The following CNTN4 variants were observed in gnomAD, a reference collection of about 807,000 sequenced individuals.
The protein encoded by CNTN4 is contactin-4.
Under a neutral mutation model 122.5 loss-of-function variants are expected in CNTN4, and 77 were observed. The observed-to-expected ratio is 0.63, with a 90% CI of 0.52 to 0.76. The LOEUF (loss-of-function observed/expected upper bound fraction) is 0.76, where lower values mean the gene tolerates loss of function less well. Ranked by LOEUF, CNTN4 falls within the 30% of genes least tolerant of loss-of-function variation. The pLI is 0.00. For synonymous variants in CNTN4, 512 were observed against 447.0 expected, an observed-to-expected ratio of 1.15 and a Z score of -1.83; for missense variants, 1,256 against 1,259.1, an observed-to-expected ratio of 1.00 and a Z score of 0.04.
At chr3:2,321,249 T>C (rs1327316314) in intron 2 of CNTN4, among the ~76,000 whole-genome samples, 2 of 152,168 alleles carry the variant, frequency 1.3e-5, no homozygotes, top group Non-Finnish European at 1.5e-5. Context: ...CTAGATAGTA[T>C]AGTGGTAAAA....
chr3:2,123,528 C>T (rs1348024040), intron 2 of CNTN4, among the ~76,000 whole-genome samples: 1 of 151,600 alleles, frequency 6.6e-6, no homozygotes, highest in Non-Finnish European at 1.5e-5. Flanking sequence ...GAGGGATGCT[C>T]AGATGCTCAG....
At chr3:2,283,075 A>G (rs2041777919) in intron 2 of CNTN4, among the ~76,000 whole-genome samples, 2 of 152,234 alleles carry the variant, frequency 1.3e-5, no homozygotes, top group African/African-American at 4.8e-5. Context: ...TGGCTACACA[A>G]TTTTGTGAAA....
At chr3:3,051,683 C>A (rs189819964) in intron 23 of CNTN4, among the ~76,000 whole-genome samples, 92 of 152,264 alleles carry the variant, frequency 6.0e-4, no homozygotes, top group Middle Eastern at 3.4e-3. Context: ...GAAGGGGACA[C>A]TTATGAATCT....
chr3:2,848,498 A>G (rs1218586076), intron 7 of CNTN4, among the ~76,000 whole-genome samples: 1 of 152,200 alleles, frequency 6.6e-6, no homozygotes, highest in Non-Finnish European at 1.5e-5. Context: ...CTTCAGTGCT[A>G]TGTCTGTTGT....
chr3:2,533,659 G>A (rs1044335307), intron 3 of CNTN4, among the ~76,000 whole-genome samples: 2 of 152,136 alleles, frequency 1.3e-5, no homozygotes, highest in African/African-American at 4.8e-5. Flanking sequence ...CCAGTAATGG[G>A]ATGGCTGGGT....
chr3:2,932,180 A>G lies in CNTN4; in HGVS notation c.1358+6401A>G, dbSNP rs577345740. Reference sequence around the variant, plus strand: ...ATCACGAGGTCAGGAGATCGAGACCATCCTGGCTAACACGGTGAAACCCTC... The same window carrying G: ...ATCACGAGGTCAGGAGATCGAGACCGTCCTGGCTAACACGGTGAAACCCTC... On this transcript the variant is annotated intron_variant, in intron 13 of 24. Transcript: ENST00000418658. 3.8e-4 allele frequency among the ~76,000 whole-genome samples: 58 copies of G among 152,198 alleles called. 1 individual carries two copies. The South Asian group carries it at 0.012, about 31-fold the overall frequency.
chr3:2,756,826 C>G (rs1366708493), intron 6 of CNTN4, among the ~76,000 whole-genome samples: 1 of 152,156 alleles, frequency 6.6e-6, no homozygotes, highest in Non-Finnish European at 1.5e-5. Flanking sequence ...TCTCCTAGAG[C>G]CTTCGAAGGT....
chr3:2,780,156 T>C (rs926464327), intron 6 of CNTN4, among the ~76,000 whole-genome samples: 1 of 152,240 alleles, frequency 6.6e-6, no homozygotes, highest in African/African-American at 2.4e-5. Context: ...ATAAAACTAG[T>C]TGTCCTGCAA....
chr3:2,831,489 C>T (rs150343078), intron 7 of CNTN4, among the ~76,000 whole-genome samples: 32 of 152,274 alleles, frequency 2.1e-4, no homozygotes, highest in Non-Finnish European at 3.5e-4. Context: ...AGAGAATGTT[C>T]GTGATATCTG....
chr3:2,755,714 A>G (rs943597540), intron 6 of CNTN4, among the ~76,000 whole-genome samples: 25 of 152,214 alleles, frequency 1.6e-4, no homozygotes, highest in African/African-American at 5.8e-4. Context: ...TTTGTGACAT[A>G]AGACAATCAA....
At chr3:2,833,054 C>T (rs1308770547) in intron 7 of CNTN4, among the ~76,000 whole-genome samples, 1 of 152,138 alleles carries the variant, frequency 6.6e-6, no homozygotes, top group African/African-American at 2.4e-5. Context: ...GGGGAAATGT[C>T]AGACATTGCC....
intron 4 of CNTN4, among the ~76,000 whole-genome samples, chr3:2,726,129 C>CT (rs1290701735): frequency 2.6e-5 from 4 of 152,130 alleles, no homozygotes; most frequent in African/African-American, 7.2e-5. Context: ...GCTTCATTCT[C>CT]TTTTTAGGTT....
rs556379661 is a variant in CNTN4 at position 2,896,632 on chromosome 3, G to A, written c.941-4053G>A. ...TAGCATTGGAAAATGACTATTTCTC[G>A]TGCCAATACTAGGAACACTGAATTT... is the stretch of plus-strand genomic sequence containing the variant. On this transcript the variant is annotated intron_variant, in intron 10 of 24. Coordinates refer to ENST00000418658, the MANE Select transcript of CNTN4 (RefSeq NM_175607.3). Among the ~76,000 whole-genome samples the A allele has an allele frequency of 1.1e-3, 174 of 152,182 alleles. 1 individual carries two copies. Among genetic ancestry groups the A allele is most frequent in the Non-Finnish European group, 2.1e-3 (140 of 68,006 alleles).
intron 2 of CNTN4, among the ~76,000 whole-genome samples, chr3:2,287,111 A>T (rs1281178664): frequency 1.3e-5 from 2 of 152,142 alleles, no homozygotes; most frequent in Admixed American, 1.3e-4. Flanking sequence ...TGTTGTAGAG[A>T]TGATTTTATC....
At chr3:2,509,655 T>C (rs1237998976) in intron 3 of CNTN4, among the ~76,000 whole-genome samples, 2 of 152,218 alleles carry the variant, frequency 1.3e-5, no homozygotes, top group Non-Finnish European at 2.9e-5. Flanking sequence ...CTTTTCTAGC[T>C]ATTGAGTAAG....
At chr3:2,472,204 G>T (rs968431986) in intron 3 of CNTN4, among the ~76,000 whole-genome samples, 3 of 149,470 alleles carry the variant, frequency 2.0e-5, no homozygotes, top group African/African-American at 7.4e-5. Flanking sequence ...ATAAATCAAA[G>T]ACAAGTGCTT....
chr3:2,275,919 CAAAAAAAAAAAAAAAAAACA>C (rs1240912547), intron 2 of CNTN4, among the ~76,000 whole-genome samples: 2 of 107,064 alleles, frequency 1.9e-5, no homozygotes, highest in East Asian at 4.8e-4. Flanking sequence ...GACTCTGTCT[CAAAAAAAAAAAAAAAAAACA>C]AAAAAAAATA....
intron 13 of CNTN4, among the ~76,000 whole-genome samples, chr3:2,939,784 G>C (rs2094597240): frequency 6.6e-6 from 1 of 152,182 alleles, no homozygotes; most frequent in Non-Finnish European, 1.5e-5. Context: ...TTCAGTGTTG[G>C]TTTGTTGAAT....
Position 2,798,366 on chromosome 3 carries a change from A to ATCTATCTACCTATCT in CNTN4, c.359-21120_359-21119insTCTATCTACCTATCT, listed in dbSNP as rs57013365. Among the ~76,000 whole-genome samples, 130 of 135,464 alleles carry ATCTATCTACCTATCT rather than the reference A, an allele frequency of 9.6e-4. 1 individual carries two copies. The East Asian group carries it at 0.02, about 21-fold the overall frequency. The allele number at this position is 135,464 out of a possible 152,430, so 88.9% of individuals were successfully genotyped here. ...TACATACTATATCTATACACACATAAATCTATCTATCTATCTATCTATCTA... is the reference window on the plus strand; with the variant it reads ...TACATACTATATCTATACACACATAATCTATCTACCTATCTATCTATCTATCTATCTATCTATCTA... On this transcript the variant is annotated intron_variant, in intron 6 of 24. Transcript: ENST00000418658.
Sources: gnomAD v4.1 joint callset for allele counts (sites outside exome capture counted in the v4.1 genomes callset) on GRCh38, gnomAD v4.1.1 for gene constraint, MANE v1.5 for transcripts, NCBI Gene and HGNC (gene_info 2026-07-23, HGNC 2026-07-21) for gene names.